The following RBMS3 variants were observed in gnomAD, a reference collection of about 807,000 sequenced individuals.
RBMS3 encodes the protein RNA binding motif single stranded interacting protein 3, also known as RNA-binding motif, single-stranded-interacting protein 3.
A neutral mutation model predicts 66.8 loss-of-function variants in RBMS3; 27 were observed. The observed-to-expected ratio is 0.40, with a 90% confidence interval of 0.30 to 0.56. The LOEUF (loss-of-function observed/expected upper bound fraction) is 0.56, where lower values mean the gene tolerates loss of function less well. Ranked by LOEUF, RBMS3 falls within the 20% of genes least tolerant of loss-of-function variation. The probability of loss-of-function intolerance (pLI) is 0.40; values close to 1 mark genes in which losing one functional copy is unlikely to be tolerated. For synonymous variants in RBMS3, 188 were observed against 183.0 expected (o/e 1.03, Z -0.22); for missense variants, 513 against 549.5 (o/e 0.93, Z 0.66).
chr3:29,421,611 T>C (rs1447749574), intron 1 of RBMS3, among the ~76,000 whole-genome samples: 1 of 152,236 alleles, frequency 6.6e-6, no homozygotes, highest in Non-Finnish European at 1.5e-5. Flanking sequence ...TCTCAGAATC[T>C]GTGTATTCTA....
At chr3:29,986,179 C>CATGA (rs1452400485) in intron 12 of RBMS3, among the ~76,000 whole-genome samples, 2 of 152,082 alleles carry the variant, frequency 1.3e-5, no homozygotes, top group Non-Finnish European at 2.9e-5. Flanking sequence ...AAGGGCAGAA[C>CATGA]ATGAGCCACA....
At chr3:29,387,708 C>G (rs1024013124) in intron 1 of RBMS3, among the ~76,000 whole-genome samples, 1 of 151,970 alleles carries the variant, frequency 6.6e-6, no homozygotes, top group East Asian at 1.9e-4. Context: ...CCAGACCATC[C>G]TGGGTAACAC....
At chr3:29,519,193 C>T (rs2148969908) in intron 3 of RBMS3, among the ~76,000 whole-genome samples, 1 of 152,248 alleles carries the variant, frequency 6.6e-6, no homozygotes, top group East Asian at 1.9e-4. Flanking sequence ...TCAGCATTTA[C>T]ACTACTGCAA....
chr3:29,827,135 A>G (rs2058231387), intron 6 of RBMS3, among the ~76,000 whole-genome samples: 1 of 152,148 alleles, frequency 6.6e-6, no homozygotes, highest in African/African-American at 2.4e-5. Flanking sequence ...TACCTCTGCT[A>G]TATGGTCATG....
At chr3:29,915,617 T>C (rs1260174759) in intron 10 of RBMS3, among the ~76,000 whole-genome samples, 2 of 151,946 alleles carry the variant, frequency 1.3e-5, no homozygotes, top group African/African-American at 4.8e-5. Flanking sequence ...CCTTCATGTC[T>C]TTTTCTAAAT....
At chr3:29,517,004 A>G (rs954621637) in intron 3 of RBMS3, among the ~76,000 whole-genome samples, 3 of 151,896 alleles carry the variant, frequency 2.0e-5, no homozygotes, top group African/African-American at 4.8e-5. Context: ...CTTGAGCCCA[A>G]AAGTCCGAGA....
intron 4 of RBMS3, among the ~76,000 whole-genome samples, chr3:29,673,559 T>C (rs942832143): frequency 1.3e-5 from 2 of 150,048 alleles, no homozygotes; most frequent in Non-Finnish European, 3.0e-5. Flanking sequence ...CAATAAAAAA[T>C]AATAAAAGTG....
chr3:29,587,817 A>C (rs2047587203), intron 4 of RBMS3, among the ~76,000 whole-genome samples: 2 of 151,916 alleles, frequency 1.3e-5, no homozygotes, highest in Non-Finnish European at 2.9e-5. Flanking sequence ...GGTATTAATA[A>C]TTTTCAATAA....
chr3:29,366,809 C>G (rs1360243007), intron 1 of RBMS3, among the ~76,000 whole-genome samples: 1 of 152,170 alleles, frequency 6.6e-6, no homozygotes, highest in African/African-American at 2.4e-5. Context: ...TTTTATTCCT[C>G]TTTCTATAGC....
intron 6 of RBMS3, among the ~76,000 whole-genome samples, chr3:29,789,325 AT>A (rs1370596194): frequency 2.6e-5 from 4 of 151,956 alleles, no homozygotes; most frequent in Non-Finnish European, 5.9e-5. Flanking sequence ...AATGTAACTG[AT>A]TTTTTCTCTA....
At chr3:29,911,483 C>T (rs1039008798) in intron 10 of RBMS3, among the ~76,000 whole-genome samples, 38 of 152,038 alleles carry the variant, frequency 2.5e-4, no homozygotes, top group African/African-American at 9.2e-4. Flanking sequence ...TAGGCAAAGC[C>T]TCCTCACCAA....
At chr3:29,835,733 A>G (rs1447687685) in intron 6 of RBMS3, among the ~76,000 whole-genome samples, 1 of 151,844 alleles carries the variant, frequency 6.6e-6, no homozygotes, top group Admixed American at 6.6e-5. Context: ...AAACATAACA[A>G]ACTAAGCCCA....
intron 10 of RBMS3, among the ~76,000 whole-genome samples, chr3:29,918,752 A>G (rs1018710103): frequency 1.3e-5 from 2 of 152,112 alleles, no homozygotes; most frequent in African/African-American, 2.4e-5. Context: ...TTCTACACGT[A>G]AGATAGTTTA....
At chr3:29,990,271 CT>C (rs1350209835) in intron 13 of RBMS3, among the ~76,000 whole-genome samples, 1 of 151,796 alleles carries the variant, frequency 6.6e-6, no homozygotes, top group Non-Finnish European at 1.5e-5. Flanking sequence ...TAACCAAGAA[CT>C]TCTGAAATTT....
At chr3:29,473,342 G>C (rs1393974156) in intron 2 of RBMS3, among the ~76,000 whole-genome samples, 1 of 152,238 alleles carries the variant, frequency 6.6e-6, no homozygotes, top group Admixed American at 6.5e-5. Context: ...CCCCACCAGA[G>C]TAGCTAGATA....
rs148243811 is a variant in RBMS3, at chr3:29,836,051, A to G, written c.638-32807A>G. Among the ~76,000 whole-genome samples, 271 of 152,114 alleles carry G rather than the reference A, an allele frequency of 1.8e-3. 3 individuals carry two copies. Among genetic ancestry groups the G allele is most frequent in the African/African-American group, 6.2e-3 (259 of 41,560 alleles). Reference sequence around the variant, plus strand: ...AAATTCCTAGAAACAAACAACCTACAAAGTCTGAATCATGATGAAACAGAA... The same window carrying G: ...AAATTCCTAGAAACAAACAACCTACGAAGTCTGAATCATGATGAAACAGAA... On this transcript the variant is annotated intron_variant, in intron 6 of 14. Transcript: ENST00000383767.
At chr3:29,460,607 A>ATAAGAG (rs946276628) in intron 2 of RBMS3, among the ~76,000 whole-genome samples, 1 of 152,256 alleles carries the variant, frequency 6.6e-6, no homozygotes, top group African/African-American at 2.4e-5. Flanking sequence ...AAGAGCTTAC[A>ATAAGAG]TAAGAGCTGA....
At chr3:29,748,985 T>C (rs1006525612) in intron 5 of RBMS3, among the ~76,000 whole-genome samples, 2 of 152,206 alleles carry the variant, frequency 1.3e-5, no homozygotes, top group African/African-American at 4.8e-5. Context: ...CTCAGTCAAC[T>C]TATTTATATA....
At chr3:29,526,566 A>G (rs1338987955) in intron 3 of RBMS3, among the ~76,000 whole-genome samples, 1 of 126,212 alleles carries the variant, frequency 7.9e-6, no homozygotes, top group Non-Finnish European at 1.6e-5. Flanking sequence ...AAAAAAAAAA[A>G]AGTTTGAGAA....
Sources: gnomAD v4.1 joint callset for allele counts (sites outside exome capture counted in the v4.1 genomes callset) on GRCh38, gnomAD v4.1.1 for gene constraint, MANE v1.5 for transcripts, NCBI Gene and HGNC (gene_info 2026-07-23, HGNC 2026-07-21) for gene names.